SLCO5A1: variants seen among roughly 807,000 people sequenced by gnomAD.
SLCO5A1 encodes solute carrier organic anion transporter family member 5A1.
A neutral mutation model predicts 65.1 loss-of-function variants in SLCO5A1; 39 were observed. The ratio of observed to expected loss-of-function variants is 0.60; its 90% confidence interval spans 0.46 to 0.78. The LOEUF (loss-of-function observed/expected upper bound fraction) is 0.78, where lower values mean the gene tolerates loss of function less well. SLCO5A1 is among the 30% of genes least tolerant of loss of function. The pLI is 0.00. For missense variants in SLCO5A1, 1,029 were observed against 1,069.4 expected, an observed-to-expected ratio of 0.96 and a Z score of 0.53; for synonymous variants, 438 against 415.7, an observed-to-expected ratio of 1.05 and a Z score of -0.65.
intron 6 of SLCO5A1, among the ~76,000 whole-genome samples, chr8:69,703,972 G>A (rs973689446): frequency 1.3e-5 from 2 of 152,122 alleles, no homozygotes; most frequent in Non-Finnish European, 1.5e-5. Flanking sequence ...CTCCCAATTC[G>A]GTGTTCAGGG....
intron 7 of SLCO5A1, among the ~76,000 whole-genome samples, chr8:69,681,606 C>G (rs912801262): frequency 6.6e-6 from 1 of 152,076 alleles, no homozygotes; most frequent in East Asian, 1.9e-4. Flanking sequence ...AAAAAAGAAA[C>G]AGTAGAATAT....
In SLCO5A1 at chr8:69,681,885, A is replaced by G. The variant is rs1301364772; in HGVS notation, c.1782+299T>C. 2.0e-5 allele frequency among the ~76,000 whole-genome samples: 3 copies of G among 152,266 alleles called. No individual in the cohort carries two copies. In the East Asian group the frequency reaches 5.8e-4, roughly 29 times the overall value. Reference sequence around the variant, plus strand: ...TCACAAGGGCCCTGTCAGAGAAACAAATGGCAGGCCTAGAGCTCAACCTTA... The same window carrying G: ...TCACAAGGGCCCTGTCAGAGAAACAGATGGCAGGCCTAGAGCTCAACCTTA... On this transcript the variant is annotated intron_variant, in intron 7 of 9. Coordinates refer to ENST00000260126, the MANE Select transcript of SLCO5A1 (RefSeq NM_030958.3).
At chr8:69,698,487 T>C (rs1446002065) in intron 6 of SLCO5A1, among the ~76,000 whole-genome samples, 1 of 152,204 alleles carries the variant, frequency 6.6e-6, no homozygotes, top group East Asian at 1.9e-4. Flanking sequence ...TGTATAAGCA[T>C]TTCCTCTTCT....
intron 2 of SLCO5A1, among the ~76,000 whole-genome samples, chr8:69,769,374 C>G (rs1433229061): frequency 6.6e-6 from 1 of 152,090 alleles, no homozygotes; most frequent in Non-Finnish European, 1.5e-5. Flanking sequence ...TGAATCTGCC[C>G]CAAAACCTAA....
chr8:69,821,986 C>A (rs1470626839), intron 2 of SLCO5A1, among the ~76,000 whole-genome samples: 1 of 151,822 alleles, frequency 6.6e-6, no homozygotes, highest in Non-Finnish European at 1.5e-5. Flanking sequence ...CTTAGCCAGG[C>A]GTGGTGGCAG....
intron 2 of SLCO5A1, among the ~76,000 whole-genome samples, chr8:69,785,394 A>T (rs1269054089): frequency 1.3e-5 from 2 of 152,244 alleles, no homozygotes; most frequent in African/African-American, 2.4e-5. Flanking sequence ...TATCTCAATA[A>T]AATTGATGCA....
intron 5 of SLCO5A1, among the ~76,000 whole-genome samples, chr8:69,722,377 T>C (rs1057038098): frequency 4.6e-5 from 7 of 152,042 alleles, no homozygotes; most frequent in Non-Finnish European, 8.8e-5. Flanking sequence ...CTTATACAGA[T>C]AAGAAAACAG....
intron 2 of SLCO5A1, among the ~76,000 whole-genome samples, chr8:69,815,132 T>C (rs928474311): frequency 6.6e-6 from 1 of 152,172 alleles, no homozygotes; most frequent in African/African-American, 2.4e-5. Flanking sequence ...CATTTCACAA[T>C]TGTTAAAAGT....
intron 2 of SLCO5A1, among the ~76,000 whole-genome samples, chr8:69,778,562 A>G (rs1818670148): frequency 1.3e-5 from 2 of 152,198 alleles, no homozygotes; most frequent in African/African-American, 2.4e-5. Context: ...TGTTTTCCTT[A>G]TAACTTTTCA....
At chr8:69,830,594 T>C (rs184140044) in intron 2 of SLCO5A1, among the ~76,000 whole-genome samples, 20 of 152,310 alleles carry the variant, frequency 1.3e-4, no homozygotes, top group African/African-American at 4.8e-4. Context: ...ATGACAGCCA[T>C]TGATCCTTCT....
chr8:69,766,367 C>A (rs1377781408), intron 2 of SLCO5A1, among the ~76,000 whole-genome samples: 3 of 152,138 alleles, frequency 2.0e-5, no homozygotes, highest in African/African-American at 7.2e-5. Context: ...ACATTGGCAC[C>A]CTCTCCTTTG....
At chr8:69,691,492 C>A (rs1814258549) in intron 6 of SLCO5A1, among the ~76,000 whole-genome samples, 1 of 152,152 alleles carries the variant, frequency 6.6e-6, no homozygotes, top group South Asian at 2.1e-4. Context: ...TGATTAGTAA[C>A]AACCCTTTTC....
Position 69,672,932 on chromosome 8 carries a change from T to A in SLCO5A1, c.2484A>T (p.Ala828=). Residue 828 remains alanine, a synonymous_variant, in exon 10 of 10, where the codon GCA becomes GCT. Coordinates refer to ENST00000260126, the MANE Select transcript of SLCO5A1 (RefSeq NM_030958.3). ...AQTYPGPFPE[A]ISSSADPGLE... ...GCCCCGGGTCCGCAGAGGAACTTAT[T>A]GCTTCTGGGAAGGGCCCCGGGTAGG... 6.2e-7 allele frequency: 1 copy of A among 1,614,234 alleles called. No homozygotes were observed. The highest frequency in any genetic ancestry group is 8.5e-7 in the Non-Finnish European group (1 of 1,180,032).
rs754652574 is a variant in SLCO5A1, at chr8:69,831,828, A to G, written c.846T>C (p.Tyr282=). 55 of 1,614,052 alleles carry G rather than the reference A, an allele frequency of 3.4e-5. No individual in the cohort carries two copies. The highest frequency in any genetic ancestry group is 4.5e-5 in the Non-Finnish European group (53 of 1,180,048). Residue 282 remains tyrosine (Y), a synonymous_variant, in exon 2 of 10, where the codon TAT becomes TAC. Transcript: ENST00000260126. ...ILIGMGSTPI[Y]TLGPTYLDDN... is the part of the protein sequence containing the mutation. Reference sequence around the variant, plus strand: ...CATCTAAGTAGGTTGGTCCCAGGGTATAAATAGGTGTGGAGCCCATTCCAA... The same window carrying G: ...CATCTAAGTAGGTTGGTCCCAGGGTGTAAATAGGTGTGGAGCCCATTCCAA...
rs542515236 is a variant in SLCO5A1 at position 69,823,339 on chromosome 8, G to C, written c.907+8428C>G. On this transcript the variant is annotated intron_variant, in intron 2 of 9. Coordinates refer to ENST00000260126, the MANE Select transcript of SLCO5A1 (RefSeq NM_030958.3). ...GACACAGACTGGCAAATTGGATAAAGAGTCAAGACCCATCAGTGTGCTGTA... is the reference window on the plus strand; with the variant it reads ...GACACAGACTGGCAAATTGGATAAACAGTCAAGACCCATCAGTGTGCTGTA... Among the ~76,000 whole-genome samples, 39 of 152,286 alleles carry C rather than the reference G, an allele frequency of 2.6e-4. No individual in the cohort carries two copies. In the South Asian group the frequency reaches 6.6e-3, roughly 26 times the overall value.
chr8:69,790,035 A>C (rs1819201915), intron 2 of SLCO5A1, among the ~76,000 whole-genome samples: 2 of 151,946 alleles, frequency 1.3e-5, no homozygotes, highest in African/African-American at 4.8e-5. Context: ...TCTACTAAAA[A>C]TACAAAAATT....
chr8:69,726,370 T>C (rs1169108926), intron 5 of SLCO5A1, among the ~76,000 whole-genome samples: 1 of 152,180 alleles, frequency 6.6e-6, no homozygotes, highest in Non-Finnish European at 1.5e-5. Context: ...CTGATACACG[T>C]TTAAAGCAAT....
intron 5 of SLCO5A1, among the ~76,000 whole-genome samples, chr8:69,729,783 G>C (rs4507768): frequency 2.6e-5 from 4 of 151,716 alleles, no homozygotes; most frequent in African/African-American, 9.7e-5. Context: ...ACTGTCTCCC[G>C]CCCCAGAAAG....
chr8:69,827,522 A>G (rs1421803239), intron 2 of SLCO5A1, among the ~76,000 whole-genome samples: 1 of 152,188 alleles, frequency 6.6e-6, no homozygotes, highest in Non-Finnish European at 1.5e-5. Context: ...AAAGATTAAG[A>G]TATACAATTA....
Sources: allele counts gnomAD v4.1 joint callset (sites outside exome capture counted in the v4.1 genomes callset), GRCh38; gene constraint gnomAD v4.1.1; transcripts MANE v1.5; gene names NCBI Gene and HGNC (gene_info 2026-07-23, HGNC 2026-07-21).